Variants in ADGRF4 observed in about 807,000 individuals in gnomAD.
ADGRF4 encodes the protein adhesion G protein-coupled receptor F4, also known as G-protein coupled receptor PGR18.
In ADGRF4, 63 loss-of-function variants were observed where a neutral mutation model predicts 58.5. The observed-to-expected ratio is 1.08, with a 90% CI of 0.88 to 1.33. The LOEUF is 1.33. Ranked by LOEUF, ADGRF4 falls within the 40% of genes most tolerant of loss-of-function variation. The probability of loss-of-function intolerance (pLI) is 0.00; values close to 1 mark genes in which losing one functional copy is unlikely to be tolerated. For synonymous variants in ADGRF4, 313 were observed against 295.4 expected, an observed-to-expected ratio of 1.06 and a Z score of -0.61; for missense variants, 931 against 843.9, an observed-to-expected ratio of 1.10 and a Z score of -1.28.
intron 5 of ADGRF4, among the ~76,000 whole-genome samples, chr6:47,713,406 T>G (rs1320182872): frequency 6.6e-6 from 1 of 152,174 alleles, no homozygotes; most frequent in Admixed American, 6.5e-5. Flanking sequence ...TAATGAACTT[T>G]GGAATTCTTT....
At chr6:47,719,938 A>C (rs1176703059) in intron 9 of ADGRF4, among the ~76,000 whole-genome samples, 2 of 152,208 alleles carry the variant, frequency 1.3e-5, no homozygotes, top group Non-Finnish European at 2.9e-5. Context: ...TTGAAGCTAC[A>C]TGAGGTAGGC....
Position 47,709,291 on chromosome 6 carries a change from C to T in ADGRF4, c.148+1013C>T, listed in dbSNP as rs150167663. Reference sequence around the variant, plus strand: ...TCGTTCTTCCTATCTGAAGTGCATGCACTCTGACCGATGGGCCACATTTGG... The same window carrying T: ...TCGTTCTTCCTATCTGAAGTGCATGTACTCTGACCGATGGGCCACATTTGG... On this transcript the variant is annotated intron_variant, in intron 3 of 9. Coordinates refer to ENST00000283303, the MANE Select transcript of ADGRF4 (RefSeq NM_153838.5). Among the ~76,000 whole-genome samples, 424 of 152,350 alleles carry T rather than the reference C, an allele frequency of 2.8e-3. 2 individuals are homozygous for T. The highest frequency in any genetic ancestry group is 9.0e-3 in the African/African-American group (373 of 41,576).
chr6:47,716,885 A>G (rs367869250), intron 7 of ADGRF4, 38 bp downstream of exon 7: 1 of 1,436,598 alleles, frequency 7.0e-7, no homozygotes, highest in Non-Finnish European at 9.7e-7. Flanking sequence ...AATGGTTTTC[A>G]TGTGGCTGGG....
At chr6:47,711,824 A>C (rs1461569902) in intron 4 of ADGRF4, among the ~76,000 whole-genome samples, 1 of 152,196 alleles carries the variant, frequency 6.6e-6, no homozygotes, top group Non-Finnish European at 1.5e-5. Context: ...CTAGGTAATC[A>C]CCTAGAAGTC....
At chr6:47,712,693 C>G in intron 5 of ADGRF4, 85 bp downstream of exon 5, 2 of 963,150 alleles carry the variant, frequency 2.1e-6, no homozygotes. Flanking sequence ...AGGGCAAAAA[C>G]TACAGTGACA....
chr6:47,705,616 T>G (rs990927860), intron 1 of ADGRF4, among the ~76,000 whole-genome samples: 2 of 152,226 alleles, frequency 1.3e-5, no homozygotes, highest in Non-Finnish European at 2.9e-5. Context: ...AGCATTCTTG[T>G]AAGTGCCTGT....
chr6:47,716,874 A>C, intron 7 of ADGRF4, 27 bp downstream of exon 7: 1 of 1,523,218 alleles, frequency 6.6e-7, no homozygotes. Flanking sequence ...TCCTCCTTAT[A>C]AATGGTTTTC....
At chr6:47,701,370 A>T (rs1485275783) in intron 1 of ADGRF4, among the ~76,000 whole-genome samples, 1 of 152,134 alleles carries the variant, frequency 6.6e-6, no homozygotes, top group Non-Finnish European at 1.5e-5. Flanking sequence ...GGAACCTGCG[A>T]CGTGACTTTT....
At position 47,699,428 on chromosome 6, in the gene ADGRF4, C is replaced by G. The variant is rs115892713; in HGVS notation, c.-17+634C>G. Among the ~76,000 whole-genome samples, 661 of 152,260 alleles carry G rather than the reference C, an allele frequency of 4.3e-3. 3 individuals are homozygous for G. Among genetic ancestry groups the G allele is most frequent in the African/African-American group, 0.014 (576 of 41,546 alleles). On this transcript the variant is annotated intron_variant, in intron 1 of 9. Transcript: ENST00000283303. The stretch of plus-strand genomic sequence containing the variant: ...GCACATCATGAGCTTTCTTCATGGA[C>G]CAGAGGCAATTGCTGGGCGTATAAA...
chr6:47,708,299 C>T (rs1334684909), intron 3 of ADGRF4, 21 bp downstream of exon 3: 4 of 1,581,948 alleles, frequency 2.5e-6, no homozygotes, highest in Non-Finnish European at 3.5e-6. Flanking sequence ...ATAGAACAGT[C>T]TTCATCCATT....
chr6:47,703,954 T>G (rs1244005730), intron 1 of ADGRF4, among the ~76,000 whole-genome samples: 1 of 152,160 alleles, frequency 6.6e-6, no homozygotes, highest in Non-Finnish European at 1.5e-5. Flanking sequence ...GCCAAATACT[T>G]TCTTTCAACA....
At chr6:47,719,914 A>T (rs1772116700) in intron 9 of ADGRF4, among the ~76,000 whole-genome samples, 1 of 152,148 alleles carries the variant, frequency 6.6e-6, no homozygotes, top group South Asian at 2.1e-4. Context: ...ATTCTCTATC[A>T]AGTTGCTGTA....
Position 47,714,643 on chromosome 6 carries a change from G to A in ADGRF4, c.1398G>A (p.Lys466=). Residue 466 remains lysine, a synonymous_variant, in exon 6 of 10, where the codon AAG becomes AAA. Transcript: ENST00000283303. The part of the protein sequence containing the change: ...WFIIGSHFNI[K]AQDYNMCVAV... ...TCATAGGCTCTCACTTTAACATTAA[G>A]GCCCAGGACTACAACATGTGTGTTG... 2.5e-6 allele frequency: 4 copies of A among 1,614,162 alleles called. No homozygotes were observed. The highest frequency in any genetic ancestry group is 2.2e-5 in the East Asian group (1 of 44,882).
In ADGRF4 at chr6:47,714,085, A is replaced by C; in HGVS notation, c.840A>C (p.Leu280=). The C allele has an allele frequency of 6.2e-7, 1 of 1,614,092 alleles. No individual in the cohort carries two copies. Among genetic ancestry groups the C allele is most frequent in the African/African-American group, 1.3e-5 (1 of 75,046 alleles). ...TGGTACAGATTCCCAGGCAAGAGCT[A>C]AGGAAGCTGTGGCCAAATGCATCCC... ...LGMVQIPRQE[L]RKLWPNASQA... Residue 280 remains leucine, a synonymous_variant, in exon 6 of 10, where the codon CTA becomes CTC. Coordinates refer to ENST00000283303, the MANE Select transcript of ADGRF4 (RefSeq NM_153838.5).
At chr6:47,712,162 G>T (rs1771886710) in intron 4 of ADGRF4, among the ~76,000 whole-genome samples, 195 bp from the exon 5 acceptor site, 1 of 152,122 alleles carries the variant, frequency 6.6e-6, no homozygotes, top group Non-Finnish European at 1.5e-5. Context: ...CTGGTTTCTG[G>T]TAATTTGGGT....
rs530294718 is a variant in ADGRF4, at chr6:47,710,983, A to G, written c.300+97A>G. On this transcript the variant is annotated intron_variant, in intron 4 of 9. Transcript: ENST00000283303. ...TCTGTTCAGCATGACAAAAAGTCTC[A>G]GATCCGCACTTAGAAAAATCTACAG... 103 of 1,147,490 alleles carry G rather than the reference A, an allele frequency of 9.0e-5. 2 individuals are homozygous for G. In the South Asian group the frequency reaches 1.6e-3, roughly 18 times the overall value. The allele number at this position is 1,147,490 out of a possible 1,614,324, so 71.1% of individuals were successfully genotyped here. A position where few individuals can be genotyped will look rare whatever the true frequency, so the allele number is the denominator to read the frequency against.
intron 4 of ADGRF4, 79 bp from the exon 5 acceptor site, chr6:47,712,278 A>G: frequency 7.1e-7 from 1 of 1,412,944 alleles, no homozygotes; most frequent in Non-Finnish European, 9.9e-7. Flanking sequence ...ACCCATGTAG[A>G]TTGTGCTTTA....
intron 4 of ADGRF4, 101 bp downstream of exon 4, chr6:47,710,987 C>T: frequency 8.9e-7 from 1 of 1,118,752 alleles, no homozygotes; most frequent in Non-Finnish European, 1.2e-6. Flanking sequence ...AGTCTCAGAT[C>T]CGCACTTAGA....
intron 1 of ADGRF4, among the ~76,000 whole-genome samples, chr6:47,702,149 G>C (rs1771604567): frequency 6.6e-6 from 1 of 152,152 alleles, no homozygotes; most frequent in Non-Finnish European, 1.5e-5. Flanking sequence ...TAGAATTTCT[G>C]ATTATCAAGT....
Sources: gnomAD v4.1 joint callset for allele counts (sites outside exome capture counted in the v4.1 genomes callset) on GRCh38, gnomAD v4.1.1 for gene constraint, MANE v1.5 for transcripts, NCBI Gene and HGNC (gene_info 2026-07-23, HGNC 2026-07-21) for gene names.